Variants in OPCML observed in about 807,000 individuals in gnomAD.
The protein encoded by OPCML is opioid binding protein/cell adhesion molecule like.
Under a neutral mutation model 37.8 loss-of-function variants are expected in OPCML, and 13 were observed. That is an observed-to-expected ratio of 0.34 (90% confidence interval 0.22 to 0.55). OPCML has a LOEUF of 0.55. Ranked by LOEUF, OPCML falls within the 20% of genes least tolerant of loss-of-function variation. OPCML has a pLI of 0.91. For synonymous variants in OPCML, 176 were observed against 168.8 expected, an observed-to-expected ratio of 1.04 and a Z score of -0.33; for missense variants, 341 against 435.6, an observed-to-expected ratio of 0.78 and a Z score of 1.93.
chr11:133,352,852 G>T (rs1417806137), intron 1 of OPCML, among the ~76,000 whole-genome samples: 1 of 152,116 alleles, frequency 6.6e-6, no homozygotes, highest in Non-Finnish European at 1.5e-5. Flanking sequence ...AGCAGGAATA[G>T]GTTCAAATCA....
intron 2 of OPCML, among the ~76,000 whole-genome samples, chr11:132,690,212 T>A (rs1943342371): frequency 6.6e-6 from 1 of 152,100 alleles, no homozygotes; most frequent in African/African-American, 2.4e-5. Flanking sequence ...AGAGCTGGGG[T>A]TACAGGAGCC....
chr11:133,135,963 C>T (rs1009656132), intron 1 of OPCML, among the ~76,000 whole-genome samples: 1 of 152,094 alleles, frequency 6.6e-6, no homozygotes, highest in Non-Finnish European at 1.5e-5. Flanking sequence ...CACTGTGGGA[C>T]AAAAAAGCAA....
At chr11:132,765,211 A>C (rs1428534673) in intron 2 of OPCML, among the ~76,000 whole-genome samples, 1 of 152,222 alleles carries the variant, frequency 6.6e-6, no homozygotes, top group East Asian at 1.9e-4. Flanking sequence ...CTTTGACCTC[A>C]TCCACAGTCT....
chr11:132,802,325 A>C (rs920751873), intron 2 of OPCML, among the ~76,000 whole-genome samples: 2 of 152,080 alleles, frequency 1.3e-5, no homozygotes, highest in African/African-American at 4.8e-5. Context: ...GTGGCTTCTT[A>C]TTGTACTTAA....
At chr11:133,319,437 T>C (rs911638945) in intron 1 of OPCML, among the ~76,000 whole-genome samples, 51 of 152,164 alleles carry the variant, frequency 3.4e-4, no homozygotes, top group African/African-American at 1.2e-3. Flanking sequence ...AGGCTCAAAT[T>C]CTTTGTTCAA....
Position 132,487,345 on chromosome 11 carries a change from A to T in OPCML, c.505+41716T>A, listed in dbSNP as rs150910381. ...CTCATTGCCTCCCGGGTCCTATAGGATCAAGTCCCTGCTGACCTGGGCCAT... is the reference window on the plus strand; with the variant it reads ...CTCATTGCCTCCCGGGTCCTATAGGTTCAAGTCCCTGCTGACCTGGGCCAT... On this transcript the variant is annotated intron_variant, in intron 4 of 7. Transcript: ENST00000524381. Among the ~76,000 whole-genome samples the T allele has an allele frequency of 2.9e-3, 449 of 152,230 alleles. 5 individuals are homozygous for T. The highest frequency in any genetic ancestry group is 0.01 in the African/African-American group (433 of 41,526).
At chr11:133,345,755 T>TAGAAG in intron 1 of OPCML, among the ~76,000 whole-genome samples, 1 of 152,236 alleles carries the variant, frequency 6.6e-6, no homozygotes. Context: ...CTGGTTCTTC[T>TAGAAG]AGTGGTATCT....
At chr11:133,441,191 T>C (rs1194001510) in intron 1 of OPCML, among the ~76,000 whole-genome samples, 1 of 151,876 alleles carries the variant, frequency 6.6e-6, no homozygotes, top group Non-Finnish European at 1.5e-5. Flanking sequence ...TCTCTTTCTG[T>C]TACACACAGA....
intron 1 of OPCML, among the ~76,000 whole-genome samples, chr11:133,350,010 G>A (rs1268984716): frequency 2.0e-5 from 3 of 152,154 alleles, no homozygotes; most frequent in South Asian, 2.1e-4. Context: ...GAATACCATC[G>A]CGGGCTGCAG....
At chr11:132,679,215 T>C (rs923220622) in intron 2 of OPCML, among the ~76,000 whole-genome samples, 4 of 152,136 alleles carry the variant, frequency 2.6e-5, no homozygotes, top group African/African-American at 7.2e-5. Context: ...GATCATGAGA[T>C]ACTATATGAC....
At chr11:132,719,442 G>T (rs886928305) in intron 2 of OPCML, among the ~76,000 whole-genome samples, 1 of 152,194 alleles carries the variant, frequency 6.6e-6, no homozygotes, top group Non-Finnish European at 1.5e-5. Flanking sequence ...GGAGGGGTGT[G>T]ACTGCGGTAC....
At chr11:132,540,790 G>T (rs1040810687) in intron 3 of OPCML, among the ~76,000 whole-genome samples, 2 of 152,228 alleles carry the variant, frequency 1.3e-5, no homozygotes, top group Non-Finnish European at 1.5e-5. Context: ...TCTTACAGAA[G>T]TTATTTATAG....
intron 1 of OPCML, among the ~76,000 whole-genome samples, chr11:133,483,306 A>T (rs976999294): frequency 1.3e-4 from 19 of 145,192 alleles, no homozygotes; most frequent in Non-Finnish European, 2.5e-4. Context: ...GAGCTGATAG[A>T]TAGGCAGATA....
intron 1 of OPCML, among the ~76,000 whole-genome samples, chr11:133,273,420 C>T (rs1005677000): frequency 2.0e-5 from 3 of 152,164 alleles, no homozygotes; most frequent in Non-Finnish European, 4.4e-5. Context: ...CTGCGGCATC[C>T]TGAGGAGCTG....
rs1943077534 is a variant in OPCML, at chr11:133,312,011, G to A, written c.61+220253C>T. On this transcript the variant is annotated intron_variant, in intron 1 of 7. Coordinates refer to ENST00000524381, the MANE Select transcript of OPCML (RefSeq NM_001012393.5). ...CTGCAGAATGAGTCCCAGTGCTTAT[G>A]TCAAGCTGAGCTGGCAAATCGACCT... Among the ~76,000 whole-genome samples the A allele has an allele frequency of 2.0e-5, 3 of 152,132 alleles. No individual in the cohort carries two copies. In the South Asian group the frequency reaches 6.2e-4, roughly 32 times the overall value.
intron 2 of OPCML, among the ~76,000 whole-genome samples, chr11:132,785,717 G>A (rs1947187549): frequency 6.6e-6 from 1 of 152,142 alleles, no homozygotes; most frequent in Non-Finnish European, 1.5e-5. Flanking sequence ...CACGTGCTTA[G>A]GACCCACTCC....
At chr11:132,789,690 A>G (rs552752100) in intron 2 of OPCML, among the ~76,000 whole-genome samples, 2 of 152,222 alleles carry the variant, frequency 1.3e-5, no homozygotes, top group South Asian at 4.1e-4. Flanking sequence ...AAGAACTCTG[A>G]TATTCAGGAA....
intron 1 of OPCML, among the ~76,000 whole-genome samples, chr11:133,374,924 G>T (rs1231770237): frequency 6.6e-6 from 1 of 152,166 alleles, no homozygotes; most frequent in Non-Finnish European, 1.5e-5. Context: ...CACTTTATGT[G>T]TAAGACTCAA....
chr11:133,075,740 G>A (rs1948611692), intron 1 of OPCML, among the ~76,000 whole-genome samples: 1 of 152,164 alleles, frequency 6.6e-6, no homozygotes, highest in African/African-American at 2.4e-5. Flanking sequence ...CATCTCTGAG[G>A]CACTCTTTAA....
Sources: allele counts gnomAD v4.1 joint callset (sites outside exome capture counted in the v4.1 genomes callset), GRCh38; gene constraint gnomAD v4.1.1; transcripts MANE v1.5; gene names NCBI Gene and HGNC (gene_info 2026-07-23, HGNC 2026-07-21).